Variants in TUBGCP4 observed in about 807,000 individuals in gnomAD.
TUBGCP4 encodes gamma-tubulin complex component 4.
In TUBGCP4, 54 loss-of-function variants were observed where a neutral mutation model predicts 91.6. The observed-to-expected ratio is 0.59, with a 90% CI of 0.47 to 0.74. The LOEUF (loss-of-function observed/expected upper bound fraction) is 0.74, where lower values mean the gene tolerates loss of function less well. Ranked by LOEUF, TUBGCP4 falls within the 30% of genes least tolerant of loss-of-function variation. The pLI is 0.00. For synonymous variants in TUBGCP4, 297 were observed against 302.8 expected, an observed-to-expected ratio of 0.98 and a Z score of 0.20; for missense variants, 593 against 800.9, an observed-to-expected ratio of 0.74 and a Z score of 3.13.
chr15:43,386,741 A>G (rs936123476), intron 9 of TUBGCP4, among the ~76,000 whole-genome samples: 2 of 151,302 alleles, frequency 1.3e-5, no homozygotes, highest in African/African-American at 4.8e-5. Context: ...AAAAAAAAAA[A>G]AAAAAAAAGA....
At chr15:43,393,600 C>T (rs1218597950) in intron 9 of TUBGCP4, among the ~76,000 whole-genome samples, 3 of 152,014 alleles carry the variant, frequency 2.0e-5, no homozygotes, top group African/African-American at 4.8e-5. Flanking sequence ...TCCCCGGTCC[C>T]CCCACCCTAC....
At chr15:43,379,836 C>G (rs1426020767) in intron 5 of TUBGCP4, among the ~76,000 whole-genome samples, 2 of 152,086 alleles carry the variant, frequency 1.3e-5, no homozygotes, top group African/African-American at 4.8e-5. Flanking sequence ...ATTAGAATCA[C>G]CTGGAGGGCT....
chr15:43,371,291 G>C lies in TUBGCP4; in HGVS notation c.-64G>C. The C allele has an allele frequency of 6.5e-7, 1 of 1,533,484 alleles. No individual in the cohort carries two copies. The allele number at this position is 1,533,484 out of a possible 1,614,324, so 95.0% of individuals were successfully genotyped here. A position where few individuals can be genotyped will look rare whatever the true frequency, so the allele number is the denominator to read the frequency against. On this transcript the variant is annotated 5_prime_UTR_variant, in exon 1 of 18. Coordinates refer to ENST00000564079, the MANE Select transcript of TUBGCP4 (RefSeq NM_014444.5). ...GTGGAAGGGGAAGCACTCCCCTCGT[G>C]GTCGCCTGGAGGTGCGCTGGAGGAG...
In TUBGCP4 at chr15:43,380,110, A is replaced by T. The variant is rs1340210118; in HGVS notation, c.468A>T (p.Thr156=). 6.2e-7 allele frequency: 1 copy of T among 1,614,114 alleles called. No homozygotes were observed. The highest frequency in any genetic ancestry group is 2.2e-5 in the East Asian group (1 of 44,886). The change falls in exon 6 of 18, where the codon ACA becomes ACT. Residue 156 remains threonine, a synonymous_variant. Coordinates refer to ENST00000564079, the MANE Select transcript of TUBGCP4 (RefSeq NM_014444.5). Reference sequence around the variant, plus strand: ...TTCATGGTTGTCAAATCCTGGAAACAGTCTACAAACACAGCTGTGGGGGGT... The same window carrying T: ...TTCATGGTTGTCAAATCCTGGAAACTGTCTACAAACACAGCTGTGGGGGGT... ...QKIHGCQILE[T]VYKHSCGGLP...
In TUBGCP4 at chr15:43,409,352, T is replaced by C. The variant is rs1195672927; in HGVS notation, c.*4138T>C. The C allele has an allele frequency of 1.0e-5, 6 of 575,630 alleles. No homozygotes were observed. Among genetic ancestry groups the C allele is most frequent in the Non-Finnish European group, 1.9e-5 (6 of 323,644 alleles). 35.7% of individuals were successfully genotyped at this position (575,630 alleles called of 1,614,324 possible). ...ACAACCAAAACCTATGAACTCAGCC[T>C]TTCAGGCTAAAAATCAGCAACCCTA... On this transcript the variant is annotated 3_prime_UTR_variant, in exon 18 of 18. Transcript: ENST00000564079.
intron 10 of TUBGCP4, 73 bp downstream of exon 10, chr15:43,395,230 AG>A (rs1464278266): frequency 3.0e-5 from 47 of 1,557,180 alleles, no homozygotes; most frequent in Non-Finnish European, 4.0e-5. Flanking sequence ...ATGTTTCCTG[AG>A]AGCACTGGTT....
At position 43,403,667 on chromosome 15, in the gene TUBGCP4, T is replaced by G; in HGVS notation, c.1732-16T>G. The G allele has an allele frequency of 1.3e-6, 2 of 1,588,278 alleles. No individual in the cohort carries two copies. Among genetic ancestry groups the G allele is most frequent in the Non-Finnish European group, 1.7e-6 (2 of 1,158,656 alleles). On this transcript the variant is annotated splice_polypyrimidine_tract_variant and intron_variant, in intron 15 of 17. Coordinates refer to ENST00000564079, the MANE Select transcript of TUBGCP4 (RefSeq NM_014444.5). ...CCTTCCTTCCTTTCCTAATGCCAACTCTGTTTCCCGGGTAGGTGTTTCACT... is the reference window on the plus strand; with the variant it reads ...CCTTCCTTCCTTTCCTAATGCCAACGCTGTTTCCCGGGTAGGTGTTTCACT...
chr15:43,408,513 C>T lies in TUBGCP4; in HGVS notation c.*3299C>T. ...TAAGCCCTATATTAGGGTCCCCCTT[C>T]TCTTCCTTCTTTCTATGAATGATCT... On this transcript the variant is annotated 3_prime_UTR_variant, in exon 18 of 18. Coordinates refer to ENST00000564079, the MANE Select transcript of TUBGCP4 (RefSeq NM_014444.5). 1 of 268,424 alleles carries T rather than the reference C, an allele frequency of 3.7e-6. No homozygotes were observed. The highest frequency in any genetic ancestry group is 7.2e-6 in the Non-Finnish European group (1 of 139,000). The allele number at this position is 268,424 out of a possible 1,614,324, so 16.6% of individuals were successfully genotyped here. A position where few individuals can be genotyped will look rare whatever the true frequency, so the allele number is the denominator to read the frequency against.
At position 43,377,786 on chromosome 15, in the gene TUBGCP4, A is replaced by G. The variant is rs1050900182; in HGVS notation, c.385-61A>G. On this transcript the variant is annotated intron_variant, in intron 4 of 17. Coordinates refer to ENST00000564079, the MANE Select transcript of TUBGCP4 (RefSeq NM_014444.5). ...TATTTAGAAACAAAAGCATTTCCCAAGTTGATTTTTTTTCCCTTACATTTG... is the reference window on the plus strand; with the variant it reads ...TATTTAGAAACAAAAGCATTTCCCAGGTTGATTTTTTTTCCCTTACATTTG... 5.3e-6 allele frequency: 7 copies of G among 1,318,162 alleles called. No individual in the cohort carries two copies. In the African/African-American group the frequency reaches 8.9e-5, roughly 17 times the overall value. The allele number at this position is 1,318,162 out of a possible 1,614,324, so 81.7% of individuals were successfully genotyped here. A position where few individuals can be genotyped will look rare whatever the true frequency, so the allele number is the denominator to read the frequency against.
chr15:43,404,689 C>A, intron 17 of TUBGCP4, 137 bp downstream of exon 17: 1 of 905,976 alleles, frequency 1.1e-6, no homozygotes, highest in Non-Finnish European at 1.6e-6. Flanking sequence ...GAGGTGTGAC[C>A]ATCTTTAATA....
intron 9 of TUBGCP4, among the ~76,000 whole-genome samples, chr15:43,393,528 G>A (rs962361250): frequency 1.3e-5 from 2 of 151,886 alleles, no homozygotes; most frequent in African/African-American, 4.8e-5. Context: ...CATGTGCCAT[G>A]TTGGTGTGCT....
At chr15:43,396,592 T>G (rs2044583326) in intron 11 of TUBGCP4, among the ~76,000 whole-genome samples, 1 of 152,230 alleles carries the variant, frequency 6.6e-6, no homozygotes, top group South Asian at 2.1e-4. Context: ...CAAACTCACT[T>G]AAGCAAAGCA....
chr15:43,408,151 C>T lies in TUBGCP4; in HGVS notation c.*2937C>T, dbSNP rs946607191. Reference sequence around the variant, plus strand: ...TAATATCCAACAAACTGCCTTTCTGCAAAGGGACTCATGTACATCTGAATG... The same window carrying T: ...TAATATCCAACAAACTGCCTTTCTGTAAAGGGACTCATGTACATCTGAATG... On this transcript the variant is annotated 3_prime_UTR_variant, in exon 18 of 18. Coordinates refer to ENST00000564079, the MANE Select transcript of TUBGCP4 (RefSeq NM_014444.5). 2.6e-5 allele frequency: 39 copies of T among 1,512,808 alleles called. No homozygotes were observed. Among genetic ancestry groups the T allele is most frequent in the Non-Finnish European group, 3.4e-5 (38 of 1,104,228 alleles). 93.7% of individuals were successfully genotyped at this position (1,512,808 alleles called of 1,614,324 possible).
chr15:43,391,117 C>T (rs1037291174), intron 9 of TUBGCP4, among the ~76,000 whole-genome samples: 13 of 151,854 alleles, frequency 8.6e-5, no homozygotes, highest in Admixed American at 2.6e-4. Flanking sequence ...CCTCCAATTC[C>T]TGGGCTCAAG....
chr15:43,396,837 A>G (rs977079542), intron 11 of TUBGCP4, among the ~76,000 whole-genome samples: 21 of 152,172 alleles, frequency 1.4e-4, no homozygotes, highest in African/African-American at 5.1e-4. Flanking sequence ...ACTCTTTTAG[A>G]GTCTGAATAG....
At position 43,376,354 on chromosome 15, in the gene TUBGCP4, T is replaced by C. The variant is rs2044204832; in HGVS notation, c.207+128T>C. On this transcript the variant is annotated intron_variant, in intron 2 of 17. Transcript: ENST00000564079. ...TCGGTAATTCATGTGAAATAAGTTA[T>C]GGATTTCTCATCACTAGAAATATTC... is the stretch of plus-strand genomic sequence containing the variant. The C allele has an allele frequency of 7.5e-6, 12 of 1,596,352 alleles. No individual in the cohort carries two copies. In the South Asian group the frequency reaches 8.9e-5, roughly 12 times the overall value.
chr15:43,398,038 C>G lies in TUBGCP4; in HGVS notation c.1280-3C>G. ...CTTTTTTTCTTTTCTTTTATCACAG[C>G]AGATGCTACTCAGGCAAGAGAAGGG... On this transcript the variant is annotated splice_polypyrimidine_tract_variant and splice_region_variant and intron_variant, in intron 12 of 17. Transcript: ENST00000564079. The G allele has an allele frequency of 6.2e-7, 1 of 1,607,466 alleles. No homozygotes were observed. Among genetic ancestry groups the G allele is most frequent in the Non-Finnish European group, 8.5e-7 (1 of 1,177,730 alleles).
At chr15:43,387,870 A>G (rs1766079038) in intron 9 of TUBGCP4, among the ~76,000 whole-genome samples, 2 of 152,080 alleles carry the variant, frequency 1.3e-5, no homozygotes, top group African/African-American at 4.8e-5. Context: ...TATTTTTGAG[A>G]CAGGGTCTTG....
Position 43,408,406 on chromosome 15 carries a change from G to A in TUBGCP4, c.*3192G>A, listed in dbSNP as rs2142933529. On this transcript the variant is annotated 3_prime_UTR_variant, in exon 18 of 18. Transcript: ENST00000564079. ...TGAGGTAGGGGGATCACTTCAGCCT[G>A]GGAGGTTGAGGCTGCAGTAAGTCGT... 1 of 291,510 alleles carries A rather than the reference G, an allele frequency of 3.4e-6. No individual in the cohort carries two copies. The highest frequency in any genetic ancestry group is 8.2e-5 in the East Asian group (1 of 12,192). The allele number at this position is 291,510 out of a possible 1,614,324, so 18.1% of individuals were successfully genotyped here. A position where few individuals can be genotyped will look rare whatever the true frequency, so the allele number is the denominator to read the frequency against.
Sources: gnomAD v4.1 joint callset for allele counts (sites outside exome capture counted in the v4.1 genomes callset) on GRCh38, gnomAD v4.1.1 for gene constraint, MANE v1.5 for transcripts, NCBI Gene and HGNC (gene_info 2026-07-23, HGNC 2026-07-21) for gene names.